EFCAB8: variants seen among roughly 807,000 people sequenced by gnomAD.
The protein encoded by EFCAB8 is EF-hand calcium-binding domain-containing protein 8.
EFCAB8 carries 100 observed loss-of-function variants against 116.3 expected under a neutral mutation model. The observed-to-expected ratio is 0.86, with a 90% confidence interval of 0.73 to 1.02. EFCAB8 has a LOEUF of 1.02. Ranked by LOEUF, EFCAB8 falls within the 50% of genes least tolerant of loss-of-function variation. The pLI is 0.00. For synonymous variants in EFCAB8, 558 were observed against 567.9 expected (o/e 0.98, Z 0.25); for missense variants, 1,320 against 1,416.9 (o/e 0.93, Z 1.10).
At chr20:32,895,850 C>T (rs954205432) in intron 9 of EFCAB8, among the ~76,000 whole-genome samples, 10 of 151,854 alleles carry the variant, frequency 6.6e-5, no homozygotes, top group Admixed American at 3.9e-4. Flanking sequence ...GGATTACAGG[C>T]GTGAGCCACC....
Position 32,896,444 on chromosome 20 carries a change from C to T in EFCAB8, c.884-10C>T, listed in dbSNP as rs1024544213. The T allele has an allele frequency of 1.5e-5, 11 of 718,254 alleles. No homozygotes were observed. Among genetic ancestry groups the T allele is most frequent in the Non-Finnish European group, 2.6e-5 (10 of 385,032 alleles). 44.5% of individuals were successfully genotyped at this position (718,254 alleles called of 1,614,324 possible). A position where few individuals can be genotyped will look rare whatever the true frequency, so the allele number is the denominator to read the frequency against. Reference sequence around the variant, plus strand: ...CTGCTGATGTGGACCTTGGTTTTTTCCCCTATCAGATCACTGGATCAAAGT... The same window carrying T: ...CTGCTGATGTGGACCTTGGTTTTTTTCCCTATCAGATCACTGGATCAAAGT... On this transcript the variant is annotated splice_polypyrimidine_tract_variant and intron_variant, in intron 9 of 26. Coordinates refer to ENST00000400522, the MANE Select transcript of EFCAB8 (RefSeq NM_001143967.2).
At chr20:32,928,574 A>G (rs1000278959) in intron 20 of EFCAB8, among the ~76,000 whole-genome samples, 1 of 152,086 alleles carries the variant, frequency 6.6e-6, no homozygotes, top group Non-Finnish European at 1.5e-5. Flanking sequence ...GTATCCTGCC[A>G]TTTTGCTGAA....
intron 19 of EFCAB8, 148 bp downstream of exon 19, chr20:32,918,722 C>T (rs1987318089): frequency 1.3e-6 from 1 of 791,108 alleles, no homozygotes; most frequent in Non-Finnish European, 2.0e-6. Flanking sequence ...GCATTGTGGG[C>T]CTGGGCAGGG....
At position 32,918,371 on chromosome 20, in the gene EFCAB8, G is replaced by A; in HGVS notation, c.2071G>A (p.Val691Met). The stretch of plus-strand genomic sequence containing the variant: ...TTTCTTCTTGGTACAGGTGCAAGAT[G>A]TGAACAACTGCCTGGCTGAGAGCCA... ...SPLQPKRVQD[V>M]NNCLAESHRP... The change falls in exon 19 of 27, where the codon GTG becomes ATG. Residue 691 changes from valine (V) to methionine (M), a missense_variant. By Grantham distance (21) the Val-to-Met change is conservative (BLOSUM62 1). Coordinates refer to ENST00000400522, the MANE Select transcript of EFCAB8 (RefSeq NM_001143967.2). 6.4e-7 allele frequency: 1 copy of A among 1,551,760 alleles called. No homozygotes were observed. Among genetic ancestry groups the A allele is most frequent in the Middle Eastern group, 1.7e-4 (1 of 5,992 alleles).
chr20:32,859,631 GA>G (rs1983999703), intron 1 of EFCAB8, among the ~76,000 whole-genome samples: 1 of 152,142 alleles, frequency 6.6e-6, no homozygotes, highest in African/African-American at 2.4e-5. Context: ...CTACTACAAA[GA>G]ACTTCCCTTT....
At chr20:32,911,408 C>T (rs1986911669) in intron 15 of EFCAB8, 72 bp from the exon 16 acceptor site, 1 of 1,330,024 alleles carries the variant, frequency 7.5e-7, no homozygotes, top group Non-Finnish European at 9.9e-7. Context: ...GGGGCCAAGG[C>T]AGGCTGGAGA....
intron 17 of EFCAB8, among the ~76,000 whole-genome samples, chr20:32,913,365 G>T (rs189080581): frequency 1.6e-4 from 25 of 152,178 alleles, no homozygotes; most frequent in African/African-American, 4.8e-4. Flanking sequence ...CTTTATAAGG[G>T]CACTAATCCC....
intron 20 of EFCAB8, among the ~76,000 whole-genome samples, chr20:32,924,949 G>A (rs1413174365): frequency 6.6e-6 from 1 of 152,150 alleles, no homozygotes; most frequent in Non-Finnish European, 1.5e-5. Context: ...GCACAGTGAA[G>A]CATTTTAGGG....
chr20:32,865,555 T>TGG (rs1213885566), intron 2 of EFCAB8, among the ~76,000 whole-genome samples: 1 of 151,960 alleles, frequency 6.6e-6, no homozygotes, highest in Non-Finnish European at 1.5e-5. Flanking sequence ...CCCAGCACTT[T>TGG]GGGAGGCCAA....
rs1986776723 is a variant in EFCAB8 at position 32,908,399 on chromosome 20, G to T, written c.1433G>T (p.Cys478Phe). ...TTCGAGAAGGACAATACCCTCATCT[G>T]CAGCACCTACTCAGTGAGTGCTGTC... ...YFFEKDNTLI[C>F]STYSIGILKG... The change falls in exon 14 of 27, where the codon TGC becomes TTC. Residue 478 changes from cysteine to phenylalanine, a missense_variant. Physicochemically the swap from Cys to Phe is radical, Grantham distance 205. Transcript: ENST00000400522. 1 of 1,249,820 alleles carries T rather than the reference G, an allele frequency of 8.0e-7. No homozygotes were observed. The highest frequency in any genetic ancestry group is 1.6e-5 in the African/African-American group (1 of 64,494). 77.4% of individuals were successfully genotyped at this position (1,249,820 alleles called of 1,614,324 possible).
intron 2 of EFCAB8, among the ~76,000 whole-genome samples, chr20:32,865,318 C>A (rs1454138263): frequency 1.3e-5 from 1 of 74,842 alleles, no homozygotes; most frequent in Non-Finnish European, 2.9e-5. Context: ...GTATGGGAGA[C>A]ACACGTGAGT....
intron 11 of EFCAB8, among the ~76,000 whole-genome samples, chr20:32,901,617 G>A (rs1404576622): frequency 6.6e-6 from 1 of 152,258 alleles, no homozygotes; most frequent in African/African-American, 2.4e-5. Context: ...TTCAGGCTCA[G>A]GCGTGCTCCT....
intron 3 of EFCAB8, among the ~76,000 whole-genome samples, chr20:32,871,322 G>A (rs912134324): frequency 9.3e-5 from 14 of 151,198 alleles, no homozygotes; most frequent in Non-Finnish European, 2.9e-5. Context: ...AGCCCAGGGT[G>A]GAGTGCAGTG....
chr20:32,942,546 A>G (rs1465717377), intron 22 of EFCAB8, among the ~76,000 whole-genome samples: 1 of 151,958 alleles, frequency 6.6e-6, no homozygotes, highest in Non-Finnish European at 1.5e-5. Context: ...ATAAAAATAT[A>G]TTAAAAGATT....
In EFCAB8 at chr20:32,960,135, G is replaced by T. The variant is rs1164604074; in HGVS notation, c.3367G>T (p.Val1123Leu). ...GAATACCAGGTTCCTGTCCACCAGG[G>T]TGCCATATGGCTGGATGAAGCATCA... is the stretch of plus-strand genomic sequence containing the variant. ...LQNTRFLSTR[V>L]PYGWMKHQIS... The change falls in exon 26 of 27, where the codon GTG (valine) becomes TTG (leucine). Residue 1123 changes from valine (V) to leucine (L), a missense_variant. Coordinates refer to ENST00000400522, the MANE Select transcript of EFCAB8 (RefSeq NM_001143967.2). The T allele has an allele frequency of 1.9e-6, 3 of 1,551,606 alleles. No homozygotes were observed. The highest frequency in any genetic ancestry group is 4.9e-5 in the East Asian group (2 of 40,926).
chr20:32,930,281 C>T (rs1056546750), intron 20 of EFCAB8, 117 bp from the exon 21 acceptor site: 7 of 821,772 alleles, frequency 8.5e-6, no homozygotes, highest in Non-Finnish European at 1.3e-5. Context: ...TCACCACTTT[C>T]ACTGGGCATC....
At chr20:32,950,616 TTG>T (rs1988769346) in intron 23 of EFCAB8, among the ~76,000 whole-genome samples, 2 of 151,882 alleles carry the variant, frequency 1.3e-5, no homozygotes, top group African/African-American at 4.8e-5. Flanking sequence ...GGAGGGAGAG[TTG>T]TGTGTCTGTT....
intron 20 of EFCAB8, 144 bp from the exon 21 acceptor site, chr20:32,930,254 G>A: frequency 1.5e-6 from 1 of 655,122 alleles, no homozygotes; most frequent in Non-Finnish European, 2.6e-6. Flanking sequence ...AGCTGGGGAG[G>A]AAGGGTGGGA....
intron 3 of EFCAB8, 97 bp from the exon 4 acceptor site, chr20:32,875,829 G>A (rs778594934): frequency 1.8e-5 from 19 of 1,082,832 alleles, no homozygotes; most frequent in Non-Finnish European, 2.6e-5. Flanking sequence ...TCTTCAGTGT[G>A]TCCCCCTCAG....
Sources: gnomAD v4.1 joint callset for allele counts (sites outside exome capture counted in the v4.1 genomes callset) on GRCh38, gnomAD v4.1.1 for gene constraint, MANE v1.5 for transcripts, NCBI Gene and HGNC (gene_info 2026-07-23, HGNC 2026-07-21) for gene names.